The following HDX variants were observed in gnomAD, a reference collection of about 807,000 sequenced individuals.
HDX encodes highly divergent homeobox, also known as chromosome X open reading frame 43.
HDX carries 19 observed loss-of-function variants against 45.2 expected under a neutral mutation model. The observed-to-expected ratio is 0.42, with a 90% CI of 0.29 to 0.62. HDX has a LOEUF of 0.62. Among genes scored for constraint, HDX ranks in the 20% least tolerant of loss-of-function variants. The probability of loss-of-function intolerance (pLI) is 0.20; values close to 1 mark genes in which losing one functional copy is unlikely to be tolerated. For missense variants in HDX, 532 were observed against 493.9 expected, an observed-to-expected ratio of 1.08 and a Z score of -0.73; for synonymous variants, 188 against 172.8, an observed-to-expected ratio of 1.09 and a Z score of -0.69.
At chrX:84,373,748 G>A (rs1224915980) in intron 5 of HDX, among the ~76,000 whole-genome samples, 2 of 111,267 alleles carry the variant, frequency 1.8e-5, no homozygotes, top group South Asian at 7.6e-4. Context: ...AGGTATTAAT[G>A]GGACTTATCT....
intron 5 of HDX, among the ~76,000 whole-genome samples, chrX:84,430,343 A>C (rs774073303): frequency 7.2e-5 from 8 of 111,208 alleles, no homozygotes; most frequent in African/African-American, 2.6e-4. Flanking sequence ...TATGAATGAC[A>C]GAATTTAATT....
In HDX at chrX:84,475,312, T is replaced by C. The variant is rs748988108; in HGVS notation, c.86A>G (p.Asn29Ser). 1 of 1,189,194 alleles carries C rather than the reference T, an allele frequency of 8.4e-7. No individual in the cohort carries two copies. Among genetic ancestry groups the C allele is most frequent in the Non-Finnish European group, 1.1e-6 (1 of 878,803 alleles). ...YENGMTNQSK[N>S]CFQLILQCAQ... ...ACACTGTAATATGAGCTGAAAGCAA[T>C]TTTTACTTTGATTTGTCATTCCATT... Residue 29 changes from asparagine (N) to serine (S), a missense_variant, in exon 3 of 11, where the codon AAT (asparagine) becomes AGT (serine). This residue lies in a region of HDX where 376 missense variants were observed against 343.7 expected (regional missense o/e 1.09). Coordinates refer to ENST00000373177, the MANE Select transcript of HDX (RefSeq NM_001177479.2).
intron 5 of HDX, among the ~76,000 whole-genome samples, chrX:84,381,452 C>T (rs1392609232): frequency 9.0e-6 from 1 of 110,857 alleles, no homozygotes; most frequent in Non-Finnish European, 1.9e-5. Context: ...AATTATACTA[C>T]AGAGCTATAG....
intron 9 of HDX, among the ~76,000 whole-genome samples, chrX:84,331,602 G>A (rs1384588767): frequency 9.0e-6 from 1 of 111,241 alleles, no homozygotes; most frequent in Non-Finnish European, 1.9e-5. Flanking sequence ...ATATCATCAT[G>A]TGTTGTATAA....
At chrX:84,472,336 A>G (rs1472056279) in intron 3 of HDX, among the ~76,000 whole-genome samples, 1 of 111,833 alleles carries the variant, frequency 8.9e-6, no homozygotes, top group Non-Finnish European at 1.9e-5. Flanking sequence ...ATCCATTTAC[A>G]TAAGAAATAG....
rs578256230 is a variant in HDX at position 84,482,011 on chromosome X, T to A, written c.-1+6013A>T. Among the ~76,000 whole-genome samples, 293 of 111,863 alleles carry A rather than the reference T, an allele frequency of 2.6e-3. 1 individual carries two copies. The highest frequency in any genetic ancestry group is 0.014 in the Middle Eastern group (3 of 213). Reference sequence around the variant, plus strand: ...TGTTAATTCACTTGGGATAATGGCCTCCAGCTGCATCCATGTTGTTGCAAA... The same window carrying A: ...TGTTAATTCACTTGGGATAATGGCCACCAGCTGCATCCATGTTGTTGCAAA... On this transcript the variant is annotated intron_variant, in intron 2 of 10. Coordinates refer to ENST00000373177, the MANE Select transcript of HDX (RefSeq NM_001177479.2).
chrX:84,472,213 T>C (rs1207322724), intron 3 of HDX, among the ~76,000 whole-genome samples: 1 of 111,316 alleles, frequency 9.0e-6, no homozygotes, highest in African/African-American at 3.3e-5. Context: ...TATGGCTTAC[T>C]TATAAAGTTT....
chrX:84,368,570 T>C (rs1181444327), intron 5 of HDX, among the ~76,000 whole-genome samples: 6 of 112,168 alleles, frequency 5.3e-5, no homozygotes, highest in Non-Finnish European at 1.1e-4. Flanking sequence ...GACTGATGTA[T>C]TTTTCAAATT....
chrX:84,393,302 T>C (rs1485982358), intron 5 of HDX, among the ~76,000 whole-genome samples: 1 of 111,862 alleles, frequency 8.9e-6, no homozygotes, highest in Non-Finnish European at 1.9e-5. Context: ...TTCATTCTGT[T>C]GATGTGGTGT....
intron 5 of HDX, among the ~76,000 whole-genome samples, chrX:84,405,570 T>G (rs1186412040): frequency 9.6e-6 from 1 of 104,520 alleles, no homozygotes; most frequent in African/African-American, 3.5e-5. Context: ...ACTGTAGCAT[T>G]GACTACTGGA....
chrX:84,459,171 G>C (rs1336950505), intron 4 of HDX, among the ~76,000 whole-genome samples: 1 of 111,552 alleles, frequency 9.0e-6, no homozygotes, highest in Admixed American at 9.5e-5. Flanking sequence ...GGCTGGGCGT[G>C]GTGGCTCATG....
At chrX:84,496,339 T>G in intron 1 of HDX, among the ~76,000 whole-genome samples, 1 of 111,577 alleles carries the variant, frequency 9.0e-6, no homozygotes, top group Non-Finnish European at 1.9e-5. Context: ...GAAGTAAGAT[T>G]TCACTTTACT....
chrX:84,462,685 A>G (rs888820487), intron 4 of HDX, among the ~76,000 whole-genome samples: 1 of 110,827 alleles, frequency 9.0e-6, no homozygotes, highest in Non-Finnish European at 1.9e-5. Flanking sequence ...TTAATAAAAA[A>G]TTAAGAATTT....
At position 84,419,183 on chromosome X, in the gene HDX, C is replaced by T. The variant is rs180760318; in HGVS notation, c.1305+21349G>A. 1.6e-3 allele frequency among the ~76,000 whole-genome samples: 181 copies of T among 110,065 alleles called. 1 individual carries two copies. The highest frequency in any genetic ancestry group is 3.1e-3 in the Non-Finnish European group (162 of 52,739). On this transcript the variant is annotated intron_variant, in intron 5 of 10. Transcript: ENST00000373177. ...TTGGGAAGAGTCAGAGACTTGCTGG[C>T]TTCAGGTACCAGCATGGCAACAGGC...
intron 6 of HDX, among the ~76,000 whole-genome samples, chrX:84,353,536 A>G (rs151165288): frequency 1.8e-5 from 2 of 111,606 alleles, no homozygotes; most frequent in Non-Finnish European, 1.9e-5. Context: ...AGCCTCCAGA[A>G]CAATTAAGAA....
intron 4 of HDX, among the ~76,000 whole-genome samples, chrX:84,452,629 G>A (rs745847804): frequency 1.0e-4 from 11 of 109,452 alleles, no homozygotes; most frequent in Non-Finnish European, 2.1e-4. Flanking sequence ...TATATAAACA[G>A]ACATGTAGAG....
intron 4 of HDX, among the ~76,000 whole-genome samples, chrX:84,464,388 A>C (rs2040300108): frequency 1.8e-5 from 2 of 111,642 alleles, no homozygotes; most frequent in South Asian, 7.5e-4. Flanking sequence ...AGCAAAAAGA[A>C]CAAGACTGGA....
chrX:84,464,748 T>C (rs184156299), intron 4 of HDX, among the ~76,000 whole-genome samples: 95 of 111,617 alleles, frequency 8.5e-4, no homozygotes, highest in African/African-American at 3.0e-3. Context: ...GCAATACCAT[T>C]CAGGACATAG....
At chrX:84,396,136 T>C (rs778349123) in intron 5 of HDX, among the ~76,000 whole-genome samples, 3 of 112,315 alleles carry the variant, frequency 2.7e-5, no homozygotes, top group Non-Finnish European at 3.8e-5. Flanking sequence ...ATTTTCACGT[T>C]CTCTATGTTG....
Sources: allele counts gnomAD v4.1 joint callset (sites outside exome capture counted in the v4.1 genomes callset), GRCh38; gene constraint gnomAD v4.1.1; regional missense constraint gnomAD v4.1.1; transcripts MANE v1.5; gene names NCBI Gene and HGNC (gene_info 2026-07-23, HGNC 2026-07-21).